RRBP1: variants seen among roughly 807,000 people sequenced by gnomAD.
RRBP1 encodes ribosome-binding protein 1.
Under a neutral mutation model 165.2 loss-of-function variants are expected in RRBP1, and 94 were observed. The observed-to-expected ratio is 0.57, with a 90% CI of 0.48 to 0.68. RRBP1 has a LOEUF of 0.68. Ranked by LOEUF, RRBP1 falls within the 30% of genes least tolerant of loss-of-function variation. The pLI is 0.00. For missense variants in RRBP1, 1,676 were observed against 1,763.0 expected, an observed-to-expected ratio of 0.95 and a Z score of 0.88; for synonymous variants, 680 against 714.5, an observed-to-expected ratio of 0.95 and a Z score of 0.77.
chr20:17,644,855 A>G (rs1432097930), intron 3 of RRBP1, among the ~76,000 whole-genome samples: 1 of 152,266 alleles, frequency 6.6e-6, no homozygotes, highest in Non-Finnish European at 1.5e-5. Flanking sequence ...TTGAAATAAC[A>G]TTTTGGATAA....
chr20:17,619,640 A>G lies in RRBP1; in HGVS notation c.3668T>C (p.Val1223Ala). The G allele has an allele frequency of 6.2e-7, 1 of 1,610,966 alleles. No homozygotes were observed. The highest frequency in any genetic ancestry group is 1.1e-5 in the South Asian group (1 of 90,766). The change falls in exon 19 of 25, where the codon GTG (valine) becomes GCG (alanine). Residue 1223 changes from valine to alanine, a missense_variant. Val to Ala is a moderately conservative substitution (Grantham distance 64). Transcript: ENST00000377813. ...CTTGGGGGGCAGACTCACCCCTGCC[A>G]CCTCCTTGGCGTAGTTCTGGCACTC... ...SAECQNYAKE[V>A]AGLRQLLLES...
intron 2 of RRBP1, among the ~76,000 whole-genome samples, chr20:17,677,821 A>G (rs991347663): frequency 6.6e-6 from 1 of 152,170 alleles, no homozygotes; most frequent in Non-Finnish European, 1.5e-5. Context: ...CCTGGGCAAC[A>G]AGAGCGAAAC....
chr20:17,619,561 T>A, intron 19 of RRBP1, 72 bp downstream of exon 19: 1 of 1,100,716 alleles, frequency 9.1e-7, no homozygotes, highest in Admixed American at 2.4e-5. Flanking sequence ...CCCACAGGGC[T>A]GAGGAGAAGC....
At position 17,636,115 on chromosome 20, in the gene RRBP1, C is replaced by A. The variant is rs148280352; in HGVS notation, c.2338-451G>T. Among the ~76,000 whole-genome samples, 355 of 152,370 alleles carry A rather than the reference C, an allele frequency of 2.3e-3. 1 individual carries two copies. The highest frequency in any genetic ancestry group is 2.3e-3 in the Non-Finnish European group (156 of 68,038). ...CCCACTATGAGCAGGGTGCAGGCTT[C>A]AGACTTTGACTACAGGGCCAGTCTG... On this transcript the variant is annotated intron_variant, in intron 6 of 24. Coordinates refer to ENST00000377813, the MANE Select transcript of RRBP1 (RefSeq NM_001365613.2).
chr20:17,621,110 G>A (rs1056848548), intron 16 of RRBP1, among the ~76,000 whole-genome samples: 20 of 152,190 alleles, frequency 1.3e-4, no homozygotes, highest in African/African-American at 4.8e-4. Flanking sequence ...GGCCCAGGAC[G>A]AGGAGCACAG....
At position 17,614,801 on chromosome 20, in the gene RRBP1, G is replaced by T; in HGVS notation, c.4130C>A (p.Thr1377Asn). 6.2e-7 allele frequency: 1 copy of T among 1,613,816 alleles called. No individual in the cohort carries two copies. Among genetic ancestry groups the T allele is most frequent in the Non-Finnish European group, 8.5e-7 (1 of 1,180,018 alleles). The change falls in exon 24 of 25, where the codon ACC becomes AAC. Residue 1377 changes from threonine (T) to asparagine (N), a missense_variant. By Grantham distance (65) the Thr-to-Asn change is moderately conservative. Transcript: ENST00000377813. ...CTTCTCCCTTGCCAGCTGCTCCTGG[G>T]TCGTCTTCAGAAGCTCCTGCAGTCT... ...ATRLQELLKT[T>N]QEQLAREKDT...
intron 13 of RRBP1, among the ~76,000 whole-genome samples, chr20:17,623,804 C>T (rs1054184540): frequency 5.3e-5 from 8 of 152,092 alleles, no homozygotes; most frequent in South Asian, 2.1e-4. Flanking sequence ...TGGTGGTGCA[C>T]GCCTGTAATC....
chr20:17,653,833 CAA>C (rs1299830911), intron 3 of RRBP1, among the ~76,000 whole-genome samples: 11 of 75,584 alleles, frequency 1.5e-4, no homozygotes, highest in Admixed American at 1.5e-4. Context: ...GACTCCATCT[CAA>C]AAAAAAAAAA....
rs1300633511 is a variant in RRBP1, at chr20:17,622,028, C to T, written c.3148-81G>A. The T allele has an allele frequency of 2.0e-5, 21 of 1,029,348 alleles. 1 individual carries two copies. The highest frequency in any genetic ancestry group is 1.9e-4 in the Admixed American group (11 of 57,204). 63.8% of individuals were successfully genotyped at this position (1,029,348 alleles called of 1,614,324 possible). On this transcript the variant is annotated intron_variant, in intron 13 of 24. Transcript: ENST00000377813. ...CTCCCCAGGTCTTTACTGATATGCC[C>T]GGGTCTCTGCCCCAGAAAGGGCACA...
chr20:17,628,312 C>A (rs2036072376), intron 9 of RRBP1, among the ~76,000 whole-genome samples: 1 of 152,210 alleles, frequency 6.6e-6, no homozygotes, highest in Non-Finnish European at 1.5e-5. Flanking sequence ...AACCCAACAT[C>A]CCGACCTCCC....
At chr20:17,614,445 C>T (rs2035752448) in intron 24 of RRBP1, among the ~76,000 whole-genome samples, 1 of 152,046 alleles carries the variant, frequency 6.6e-6, no homozygotes, top group South Asian at 2.1e-4. Context: ...GGAGCACTGG[C>T]TAAGGGGCCC....
intron 3 of RRBP1, among the ~76,000 whole-genome samples, chr20:17,645,391 C>T (rs543159383): frequency 1.3e-5 from 2 of 152,324 alleles, no homozygotes; most frequent in South Asian, 2.1e-4. Context: ...ACTTGCAACA[C>T]GCGAAACAAA....
chr20:17,643,105 A>G lies in RRBP1; in HGVS notation c.1935T>C (p.Pro645=). ...CCAGCGTCTTGTAGGGGAGGTAGAG[A>G]GGGCCGTCGGCATCTGGGGGCCCTG... ...GEPGPPDADG[P]LYLPYKTLVS... The change falls in exon 4 of 25, where the codon CCT becomes CCC. Residue 645 remains proline, a synonymous_variant. Transcript: ENST00000377813. The surrounding 1 kb of genome is among the most constrained non-coding windows in gnomAD (Gnocchi z 4.3). The G allele has an allele frequency of 6.2e-7, 1 of 1,613,942 alleles. No individual in the cohort carries two copies.
At chr20:17,657,393 G>A (rs1346675574) in intron 3 of RRBP1, among the ~76,000 whole-genome samples, 1 of 152,330 alleles carries the variant, frequency 6.6e-6, no homozygotes, top group Middle Eastern at 3.4e-3. Flanking sequence ...GAAACCCCAC[G>A]AAGGTAATAG....
At chr20:17,626,265 G>A (rs143398192) in intron 11 of RRBP1, among the ~76,000 whole-genome samples, 131 of 152,292 alleles carry the variant, frequency 8.6e-4, no homozygotes, top group Middle Eastern at 3.4e-3. Context: ...ATGCTGTGTG[G>A]CCCAAGAATC....
intron 20 of RRBP1, among the ~76,000 whole-genome samples, chr20:17,618,115 A>T (rs1293040584): frequency 6.6e-6 from 1 of 152,240 alleles, no homozygotes; most frequent in African/African-American, 2.4e-5. Context: ...TCTTCCCTGC[A>T]TGCCTGTGGC....
intron 8 of RRBP1, among the ~76,000 whole-genome samples, chr20:17,632,015 T>C (rs1252632892): frequency 2.0e-5 from 3 of 152,230 alleles, no homozygotes; most frequent in Non-Finnish European, 4.4e-5. Flanking sequence ...CTGGGTGTAA[T>C]AGCATGGTTA....
chr20:17,642,566 G>A (rs1359073992), intron 4 of RRBP1, among the ~76,000 whole-genome samples: 1 of 152,208 alleles, frequency 6.6e-6, no homozygotes, highest in Non-Finnish European at 1.5e-5. Context: ...CTCTTGGCCA[G>A]AGGCACGAGA....
intron 2 of RRBP1, among the ~76,000 whole-genome samples, chr20:17,676,973 C>T (rs553408677): frequency 1.3e-5 from 2 of 152,100 alleles, no homozygotes; most frequent in Admixed American, 6.5e-5. Flanking sequence ...GTCTCAAACT[C>T]CTGGGCTCAA....
Sources: allele counts gnomAD v4.1 joint callset (sites outside exome capture counted in the v4.1 genomes callset), GRCh38; gene constraint gnomAD v4.1.1; non-coding constraint Gnocchi (gnomAD v3.1); transcripts MANE v1.5; gene names NCBI Gene and HGNC (gene_info 2026-07-23, HGNC 2026-07-21).